RGS6: variants seen among roughly 807,000 people sequenced by gnomAD.
RGS6 encodes regulator of G-protein signaling 6.
RGS6 carries 30 observed loss-of-function variants against 78.5 expected under a neutral mutation model. The observed-to-expected ratio is 0.38, with a 90% CI of 0.29 to 0.52. The LOEUF (loss-of-function observed/expected upper bound fraction) is 0.52, where lower values mean the gene tolerates loss of function less well. Among genes scored for constraint, RGS6 ranks in the 20% least tolerant of loss-of-function variants. RGS6 has a pLI of 0.85. For missense variants in RGS6, 495 were observed against 609.7 expected (o/e 0.81, Z 1.98); for synonymous variants, 206 against 206.0 (o/e 1.00, Z 0.00).
chr14:72,443,966 A>G (rs2095289134), intron 3 of RGS6, among the ~76,000 whole-genome samples: 1 of 152,212 alleles, frequency 6.6e-6, no homozygotes. Flanking sequence ...AATGTAGCCC[A>G]TACCCAGCCT....
chr14:72,186,706 AT>A (rs1213696482), intron 2 of RGS6, among the ~76,000 whole-genome samples: 1,574 of 150,022 alleles, frequency 0.01, 31 homozygotes, highest in African/African-American at 0.036. Flanking sequence ...CTTCATCTAC[AT>A]TTTTTTTTTC....
chr14:72,602,954 GA>G, the RGS6 span, among the ~76,000 whole-genome samples: 2 of 151,938 alleles, frequency 1.3e-5, no homozygotes, highest in Non-Finnish European at 2.9e-5. Context: ...AAAGAAAAAA[GA>G]AAAAAATCAA....
At chr14:72,250,182 T>C (rs992870715) in intron 2 of RGS6, among the ~76,000 whole-genome samples, 4 of 151,588 alleles carry the variant, frequency 2.6e-5, no homozygotes, top group African/African-American at 9.7e-5. Flanking sequence ...ATGACACATG[T>C]ATACATATGT....
At chr14:72,120,069 C>A in intron 2 of RGS6, among the ~76,000 whole-genome samples, 1 of 152,142 alleles carries the variant, frequency 6.6e-6, no homozygotes, top group Non-Finnish European at 1.5e-5. Context: ...TTGTGAAGTT[C>A]TTGCTGATAG....
intron 2 of RGS6, among the ~76,000 whole-genome samples, chr14:72,149,668 G>C (rs2096656386): frequency 6.6e-6 from 1 of 152,130 alleles, no homozygotes; most frequent in African/African-American, 2.4e-5. Flanking sequence ...ATTAAATAAA[G>C]ATAAAAAGTA....
At chr14:72,504,290 G>C (rs2096767772) in intron 13 of RGS6, among the ~76,000 whole-genome samples, 1 of 152,116 alleles carries the variant, frequency 6.6e-6, no homozygotes, top group South Asian at 2.1e-4. Flanking sequence ...TTCAGGTTCT[G>C]GTTTCTTTTT....
At chr14:71,982,131 C>G (rs979458987) in intron 2 of RGS6, among the ~76,000 whole-genome samples, 2 of 152,236 alleles carry the variant, frequency 1.3e-5, no homozygotes, top group African/African-American at 2.4e-5. Flanking sequence ...GGCAACGCCT[C>G]GCCCTGCTTC....
At chr14:72,522,153 G>A (rs1414389677) in intron 15 of RGS6, among the ~76,000 whole-genome samples, 1 of 152,166 alleles carries the variant, frequency 6.6e-6, no homozygotes, top group African/African-American at 2.4e-5. Flanking sequence ...CAAAATTAAG[G>A]TGTCAGCAGA....
intron 15 of RGS6, among the ~76,000 whole-genome samples, chr14:72,526,980 G>T (rs571399549): frequency 2.6e-5 from 4 of 152,322 alleles, no homozygotes; most frequent in African/African-American, 9.6e-5. Flanking sequence ...CTCTTGAAAG[G>T]TGAGACTCAA....
intron 17 of RGS6, among the ~76,000 whole-genome samples, chr14:72,543,322 C>T (rs963708144): frequency 2.0e-5 from 3 of 152,174 alleles, no homozygotes; most frequent in South Asian, 2.1e-4. Flanking sequence ...GAATAACCCA[C>T]GCCACTGTAC....
intron 3 of RGS6, among the ~76,000 whole-genome samples, chr14:72,444,983 T>C (rs1176195892): frequency 6.6e-6 from 1 of 152,188 alleles, no homozygotes; most frequent in African/African-American, 2.4e-5. Flanking sequence ...TGGAAGCCAG[T>C]TGAGCAGCGA....
chr14:72,471,356 T>C (rs2096072614), intron 8 of RGS6, among the ~76,000 whole-genome samples: 1 of 152,236 alleles, frequency 6.6e-6, no homozygotes, highest in Non-Finnish European at 1.5e-5. Flanking sequence ...TGATTGGATC[T>C]GGATCTCCCC....
At chr14:72,129,089 C>A (rs1455131091) in intron 2 of RGS6, among the ~76,000 whole-genome samples, 2 of 152,066 alleles carry the variant, frequency 1.3e-5, no homozygotes, top group African/African-American at 4.8e-5. Flanking sequence ...TTTGGGCTTT[C>A]TTTTAGAGTT....
rs752408509 is a variant in RGS6, at chr14:72,474,614, T to G, written c.619-11T>G. 29 of 1,597,136 alleles carry G rather than the reference T, an allele frequency of 1.8e-5. No homozygotes were observed. The highest frequency in any genetic ancestry group is 2.5e-5 in the Non-Finnish European group (29 of 1,174,936). ...CGTAGTAATTTATATGATGTGTTTT[T>G]TTTTTCTCAGCCAGGCTGTGTGAAC... On this transcript the variant is annotated splice_polypyrimidine_tract_variant and intron_variant, in intron 9 of 17. Transcript: ENST00000553525.
intron 2 of RGS6, among the ~76,000 whole-genome samples, chr14:72,019,630 T>C (rs2087919233): frequency 6.6e-6 from 1 of 152,170 alleles, no homozygotes; most frequent in South Asian, 2.1e-4. Context: ...AATACTGTCA[T>C]GCATGTGGCT....
At chr14:71,953,938 AATT>A (rs1018517526) in intron 1 of RGS6, among the ~76,000 whole-genome samples, 3 of 141,038 alleles carry the variant, frequency 2.1e-5, no homozygotes, top group African/African-American at 7.8e-5. Context: ...TTTGAAGGAT[AATT>A]GCACTAGATG....
chr14:72,078,609 T>C (rs755150291), intron 2 of RGS6, among the ~76,000 whole-genome samples: 10 of 151,894 alleles, frequency 6.6e-5, no homozygotes, highest in Non-Finnish European at 1.3e-4. Flanking sequence ...AGAGACGGGG[T>C]TTCACTATAC....
At chr14:72,340,056 A>C (rs1452188695) in intron 2 of RGS6, among the ~76,000 whole-genome samples, 1 of 152,164 alleles carries the variant, frequency 6.6e-6, no homozygotes, top group African/African-American at 2.4e-5. Context: ...CTGCCTTTCC[A>C]GTTTCCCAGC....
rs369838362 is a variant in RGS6, at chr14:72,565,695, C to G, written c.*3228C>G. On this transcript the variant is annotated 3_prime_UTR_variant, in exon 18 of 18. Transcript: ENST00000553525. ...CATGCTCCAGGGGCTTCTTCCCTGG[C>G]AGGATTCCTGGGATTTCAAACTACC... 1.3e-5 allele frequency: 2 copies of G among 152,204 alleles called. No individual in the cohort carries two copies. The highest frequency in any genetic ancestry group is 4.8e-5 in the African/African-American group (2 of 41,424). 9.4% of individuals were successfully genotyped at this position (152,204 alleles called of 1,614,324 possible).
Sources: gnomAD v4.1 joint callset for allele counts (sites outside exome capture counted in the v4.1 genomes callset) on GRCh38, gnomAD v4.1.1 for gene constraint, MANE v1.5 for transcripts, NCBI Gene and HGNC (gene_info 2026-07-23, HGNC 2026-07-21) for gene names.